The following ZFHX3 variants were observed in gnomAD, a reference collection of about 807,000 sequenced individuals.
ZFHX3 encodes zinc finger homeobox 3.
In ZFHX3, 42 loss-of-function variants were observed where a neutral mutation model predicts 279.1. The observed-to-expected ratio is 0.15, with a 90% CI of 0.12 to 0.19. ZFHX3 has a LOEUF of 0.19. Among genes scored for constraint, ZFHX3 ranks in the 10% least tolerant of loss-of-function variants. ZFHX3 has a pLI of 1.00. For synonymous variants in ZFHX3, 2,293 were observed against 1,957.8 expected (o/e 1.17, Z -4.52); for missense variants, 4,981 against 4,754.0 (o/e 1.05, Z -1.40).
intron 3 of ZFHX3, among the ~76,000 whole-genome samples, chr16:72,892,936 GGAAGGCAGAAGT>G (rs1344281310): frequency 3.9e-5 from 6 of 152,194 alleles, no homozygotes; most frequent in South Asian, 4.1e-4. Flanking sequence ...CTGGGGAGAA[GGAAGGCAGAAGT>G]GAAGGGAGAA....
At chr16:73,701,638 A>T (rs2053247710) in intron 1 of ZFHX3, among the ~76,000 whole-genome samples, 1 of 152,158 alleles carries the variant, frequency 6.6e-6, no homozygotes. Flanking sequence ...GAAAACGATA[A>T]ATCACTGGCC....
chr16:73,664,306 A>C (rs185328684), intron 2 of ZFHX3, among the ~76,000 whole-genome samples: 1 of 152,206 alleles, frequency 6.6e-6, no homozygotes, highest in Non-Finnish European at 1.5e-5. Flanking sequence ...CATGAAAAAC[A>C]AAGAACTACC....
intron 5 of ZFHX3, among the ~76,000 whole-genome samples, chr16:73,158,010 GA>G (rs368349666): frequency 6.7e-5 from 10 of 148,310 alleles, no homozygotes; most frequent in East Asian, 3.9e-4. Context: ...TTGGATCCAG[GA>G]AAAAAAAAAT....
intron 3 of ZFHX3, among the ~76,000 whole-genome samples, chr16:73,389,474 T>G (rs2016967861): frequency 6.6e-6 from 1 of 152,258 alleles, no homozygotes. Flanking sequence ...TTCATAAACC[T>G]GTACCTCTTA....
intron 2 of ZFHX3, among the ~76,000 whole-genome samples, chr16:73,647,138 G>A (rs2052626474): frequency 6.6e-6 from 1 of 151,822 alleles, no homozygotes; most frequent in South Asian, 2.1e-4. Context: ...TCAGCCTCTG[G>A]AGCAGCTGGG....
chr16:73,483,271 T>C (rs1258569409), intron 2 of ZFHX3: 1 of 410,656 alleles, frequency 2.4e-6, no homozygotes, highest in Non-Finnish European at 4.7e-6. Context: ...GACAAATGCG[T>C]ACGCATAGAC....
chr16:73,630,740 G>A (rs2052460786), intron 2 of ZFHX3, among the ~76,000 whole-genome samples: 1 of 152,206 alleles, frequency 6.6e-6, no homozygotes, highest in Non-Finnish European at 1.5e-5. Flanking sequence ...AAAGAAGCAA[G>A]AAAAGTCCAG....
At chr16:73,779,437 TC>T (rs1959376827) in intron 1 of ZFHX3, among the ~76,000 whole-genome samples, 1 of 70 alleles carries the variant, frequency 0.014, no homozygotes, top group Admixed American at 0.1. Flanking sequence ...TAGTATGGAA[TC>T]ATCGAGAAGA....
intron 1 of ZFHX3, among the ~76,000 whole-genome samples, chr16:73,696,710 GATT>G (rs2053200982): frequency 6.6e-6 from 1 of 152,170 alleles, no homozygotes; most frequent in Non-Finnish European, 1.5e-5. Flanking sequence ...GTGGCAGTCT[GATT>G]TATTCTCTAG....
intron 7 of ZFHX3, chr16:73,099,045 C>G (rs1470839254): frequency 1.3e-5 from 2 of 152,088 alleles, no homozygotes; most frequent in African/African-American, 2.4e-5. Context: ...GATTTATTTC[C>G]TAATATACAG....
intron 3 of ZFHX3, among the ~76,000 whole-genome samples, chr16:73,455,177 C>G (rs1445898980): frequency 6.6e-6 from 1 of 152,162 alleles, no homozygotes; most frequent in Non-Finnish European, 1.5e-5. Flanking sequence ...GGTTTTCATA[C>G]CAGCCACACC....
At chr16:73,416,736 C>A (rs375327904) in intron 3 of ZFHX3, among the ~76,000 whole-genome samples, 7 of 148,874 alleles carry the variant, frequency 4.7e-5, no homozygotes, top group Admixed American at 4.0e-4. Flanking sequence ...TAGCCGGGTG[C>A]GGTGGCGGGC....
intron 6 of ZFHX3, chr16:73,137,552 C>T (rs935161998): frequency 1.3e-5 from 2 of 152,026 alleles, no homozygotes; most frequent in Non-Finnish European, 1.5e-5. Context: ...GCTCGTGGGA[C>T]TTGCAAATAA....
intron 5 of ZFHX3, among the ~76,000 whole-genome samples, chr16:73,205,562 TG>T (rs1399741697): frequency 6.6e-6 from 1 of 152,180 alleles, no homozygotes. Flanking sequence ...TAATTTAACA[TG>T]GGGCACCATT....
At chr16:73,820,302 G>A (rs542564001) in intron 1 of ZFHX3, among the ~76,000 whole-genome samples, 2 of 152,228 alleles carry the variant, frequency 1.3e-5, no homozygotes, top group East Asian at 3.9e-4. Context: ...GTGTTAGCCA[G>A]GATGGTCTTG....
chr16:73,491,554 G>C (rs2019056452), intron 2 of ZFHX3, among the ~76,000 whole-genome samples: 1 of 152,178 alleles, frequency 6.6e-6, no homozygotes, highest in Admixed American at 6.5e-5. Context: ...CTTCATAACA[G>C]AGTCAATATT....
chr16:73,523,290 A>G (rs537475492), intron 2 of ZFHX3, among the ~76,000 whole-genome samples: 1 of 152,352 alleles, frequency 6.6e-6, no homozygotes, highest in African/African-American at 2.4e-5. Context: ...TGCTTGGTAC[A>G]ATGAGATCTC....
chr16:72,891,950 A>C (rs985977518), intron 3 of ZFHX3, among the ~76,000 whole-genome samples: 1 of 152,174 alleles, frequency 6.6e-6, no homozygotes, highest in African/African-American at 2.4e-5. Flanking sequence ...TGGATGTCTC[A>C]TCCTTGTCCA....
At position 72,798,090 on chromosome 16, in the gene ZFHX3, G is replaced by A. The variant is rs1373055270; in HGVS notation, c.4592C>T (p.Pro1531Leu). 4 of 1,614,172 alleles carry A rather than the reference G, an allele frequency of 2.5e-6. No individual in the cohort carries two copies. Among genetic ancestry groups the A allele is most frequent in the South Asian group, 2.2e-5 (2 of 91,086 alleles). ...PKRALPFRKG[P>L]NFTMEKFLDP... ...TAGGAACTTTTCCATAGTAAAATTG[G>A]GACCTTTTCTGAAAGGCAGAGCTCT... Residue 1531 changes from proline (P) to leucine (L), a missense_variant, in exon 9 of 10, where the codon CCC becomes CTC. By Grantham distance (98) the Pro-to-Leu change is moderately conservative. Around this residue, in one of 7 missense-constraint regions of ZFHX3, gnomAD observed 1,751 missense variants for 1,770.0 expected, o/e 0.99. Coordinates refer to ENST00000268489, the MANE Select transcript of ZFHX3 (RefSeq NM_006885.4).
Sources: gnomAD v4.1 joint callset for allele counts (sites outside exome capture counted in the v4.1 genomes callset) on GRCh38, gnomAD v4.1.1 for gene constraint, gnomAD v4.1.1 regional missense constraint, MANE v1.5 for transcripts, NCBI Gene and HGNC (gene_info 2026-07-23, HGNC 2026-07-21) for gene names.